The following GRM7 variants were observed in gnomAD, a reference collection of about 807,000 sequenced individuals.
GRM7 encodes the protein metabotropic glutamate receptor 7.
In GRM7, 35 loss-of-function variants were observed where a neutral mutation model predicts 84.5. The observed-to-expected ratio is 0.41, with a 90% confidence interval of 0.32 to 0.55. The LOEUF is 0.55. GRM7 is among the 20% of genes least tolerant of loss of function. GRM7 has a pLI of 0.19. For synonymous variants in GRM7, 487 were observed against 455.1 expected (o/e 1.07, Z -0.89); for missense variants, 1,003 against 1,194.6 (o/e 0.84, Z 2.36).
At chr3:7,050,565 A>C (rs1696958944) in intron 1 of GRM7, among the ~76,000 whole-genome samples, 1 of 151,880 alleles carries the variant, frequency 6.6e-6, no homozygotes, top group Non-Finnish European at 1.5e-5. Context: ...ATTTAATAAA[A>C]TCTAAAGTGC....
chr3:7,728,391 A>G (rs1381645304), intron 9 of GRM7, among the ~76,000 whole-genome samples: 3 of 152,194 alleles, frequency 2.0e-5, no homozygotes, highest in African/African-American at 7.2e-5. Flanking sequence ...TACATGTAGT[A>G]ACATACTTGC....
intron 2 of GRM7, among the ~76,000 whole-genome samples, chr3:7,235,342 C>G (rs1163753242): frequency 6.6e-6 from 1 of 152,188 alleles, no homozygotes; most frequent in Admixed American, 6.5e-5. Flanking sequence ...TTTGGTACAG[C>G]ATTTTCCATA....
At chr3:7,566,396 C>G (rs1484736833) in intron 7 of GRM7, among the ~76,000 whole-genome samples, 1 of 152,090 alleles carries the variant, frequency 6.6e-6, no homozygotes, top group Non-Finnish European at 1.5e-5. Context: ...CCAACTCATT[C>G]TTTCTCATTG....
chr3:7,565,109 G>T (rs1694199379), intron 7 of GRM7, among the ~76,000 whole-genome samples: 1 of 152,138 alleles, frequency 6.6e-6, no homozygotes, highest in South Asian at 2.1e-4. Flanking sequence ...ACATAGATAT[G>T]CATTAAATGA....
chr3:7,564,392 GA>G (rs1308155683), intron 7 of GRM7, among the ~76,000 whole-genome samples: 1 of 152,122 alleles, frequency 6.6e-6, no homozygotes, highest in Non-Finnish European at 1.5e-5. Context: ...GCTAGGATTT[GA>G]ACCCGTGATC....
At chr3:6,951,075 G>T (rs1462303537) in intron 1 of GRM7, among the ~76,000 whole-genome samples, 4 of 152,138 alleles carry the variant, frequency 2.6e-5, no homozygotes, top group African/African-American at 9.7e-5. Context: ...GCACTCCCCA[G>T]TGAGATGAAC....
Position 7,335,997 on chromosome 3 carries a change from A to G in GRM7, c.1033+29345A>G, listed in dbSNP as rs1271403421. On this transcript the variant is annotated intron_variant, in intron 4 of 9. Coordinates refer to ENST00000357716, the MANE Select transcript of GRM7 (RefSeq NM_000844.4). ...TCAAAGATGAATTGGTACCAATCCT[A>G]TTGAAACTATTCCAAATGATAAAGA... Among the ~76,000 whole-genome samples, 4 of 152,192 alleles carry G rather than the reference A, an allele frequency of 2.6e-5. No homozygotes were observed. The South Asian group carries it at 6.2e-4, about 24-fold the overall frequency.
At chr3:6,985,436 A>G (rs1694372782) in intron 1 of GRM7, among the ~76,000 whole-genome samples, 1 of 152,150 alleles carries the variant, frequency 6.6e-6, no homozygotes, top group Non-Finnish European at 1.5e-5. Context: ...AGGTCCCACA[A>G]ATATGTGAGA....
chr3:7,077,737 T>A (rs1698143751), intron 1 of GRM7, among the ~76,000 whole-genome samples: 1 of 152,002 alleles, frequency 6.6e-6, no homozygotes, highest in South Asian at 2.1e-4. Flanking sequence ...AAAATAAAGA[T>A]TTTATAAATA....
intron 8 of GRM7, among the ~76,000 whole-genome samples, chr3:7,661,820 A>T (rs1465747065): frequency 7.1e-6 from 1 of 141,744 alleles, no homozygotes; most frequent in African/African-American, 2.5e-5. Flanking sequence ...AAAAAAAAAA[A>T]TGTAAAATGC....
At chr3:6,867,335 G>C (rs908911761) in intron 1 of GRM7, among the ~76,000 whole-genome samples, 1 of 152,076 alleles carries the variant, frequency 6.6e-6, no homozygotes, top group Admixed American at 6.6e-5. Context: ...TTCAAGACTC[G>C]ATGTCCTTCT....
intron 1 of GRM7, among the ~76,000 whole-genome samples, chr3:7,031,386 C>T (rs1210354457): frequency 6.6e-6 from 1 of 151,254 alleles, no homozygotes; most frequent in Non-Finnish European, 1.5e-5. Flanking sequence ...ACTCCAAATA[C>T]TTTTTTTAAA....
intron 1 of GRM7, among the ~76,000 whole-genome samples, chr3:7,016,350 G>A (rs1695565030): frequency 6.6e-6 from 1 of 152,180 alleles, no homozygotes; most frequent in Non-Finnish European, 1.5e-5. Context: ...CAAAGAGATA[G>A]GAGATCAGTT....
At chr3:7,367,169 G>A (rs1380116876) in intron 4 of GRM7, among the ~76,000 whole-genome samples, 2 of 151,702 alleles carry the variant, frequency 1.3e-5, no homozygotes, top group African/African-American at 2.4e-5. Flanking sequence ...CTTTCTAGAT[G>A]GGAATCCTAA....
intron 9 of GRM7, among the ~76,000 whole-genome samples, chr3:7,698,495 G>A (rs1484507257): frequency 6.6e-6 from 1 of 152,204 alleles, no homozygotes; most frequent in Non-Finnish European, 1.5e-5. Context: ...AGAGGATCTT[G>A]GAGATAAGCC....
At chr3:7,433,212 C>T (rs1328729674) in intron 5 of GRM7, among the ~76,000 whole-genome samples, 1 of 152,144 alleles carries the variant, frequency 6.6e-6, no homozygotes, top group East Asian at 1.9e-4. Context: ...ACATTCTTAT[C>T]TTGAGAATCA....
At chr3:7,470,689 A>G (rs1229876916) in intron 7 of GRM7, among the ~76,000 whole-genome samples, 2 of 152,188 alleles carry the variant, frequency 1.3e-5, no homozygotes, top group Non-Finnish European at 1.5e-5. Context: ...TGCCATTACT[A>G]TCTGCATTTT....
intron 1 of GRM7, among the ~76,000 whole-genome samples, chr3:7,095,819 A>C (rs1332370811): frequency 6.6e-6 from 1 of 152,084 alleles, no homozygotes; most frequent in Non-Finnish European, 1.5e-5. Flanking sequence ...TGAATCTCTA[A>C]GATGTTCAGT....
At chr3:7,391,728 G>A (rs1695004165) in intron 4 of GRM7, among the ~76,000 whole-genome samples, 2 of 150,822 alleles carry the variant, frequency 1.3e-5, no homozygotes, top group Non-Finnish European at 3.0e-5. Context: ...ATATAAAAAA[G>A]AAATGAGCTA....
Sources: gnomAD v4.1 joint callset for allele counts (sites outside exome capture counted in the v4.1 genomes callset) on GRCh38, gnomAD v4.1.1 for gene constraint, MANE v1.5 for transcripts, NCBI Gene and HGNC (gene_info 2026-07-23, HGNC 2026-07-21) for gene names.